TENM1: variants seen among roughly 807,000 people sequenced by gnomAD.
The protein encoded by TENM1 is teneurin transmembrane protein 1, also known as teneurin-1.
Under a neutral mutation model 174.8 loss-of-function variants are expected in TENM1, and 35 were observed. That is an observed-to-expected ratio of 0.20 (90% confidence interval 0.15 to 0.27). The LOEUF (loss-of-function observed/expected upper bound fraction) is 0.27. TENM1 is among the 10% of genes least tolerant of loss of function. The pLI, the probability that TENM1 is intolerant of heterozygous loss-of-function variation, is 1.00. For missense variants in TENM1, 1,633 were observed against 2,130.1 expected (o/e 0.77, Z 4.59); for synonymous variants, 781 against 798.7 (o/e 0.98, Z 0.37).
intron 17 of TENM1, among the ~76,000 whole-genome samples, chrX:124,522,529 T>G (rs2148048461): frequency 9.3e-6 from 1 of 107,476 alleles, no homozygotes; most frequent in East Asian, 2.9e-4. Context: ...TTCTCCTGAC[T>G]ATAAAGCTTG....
chrX:125,179,697 T>A, the TENM1 span, among the ~76,000 whole-genome samples: 1 of 110,537 alleles, frequency 9.0e-6, no homozygotes, highest in East Asian at 2.9e-4. Flanking sequence ...GGCATCAGCA[T>A]CCCCTGGGAA....
At chrX:124,894,232 G>T in intron 3 of TENM1, 64 bp downstream of exon 6, 3 of 896,970 alleles carry the variant, frequency 3.3e-6, no homozygotes, top group Non-Finnish European at 4.9e-6. Context: ...ATTTTGTGGG[G>T]GTAGGGTGCC....
At chrX:124,831,150 T>C (rs2056280808) in intron 3 of TENM1, among the ~76,000 whole-genome samples, 1 of 111,379 alleles carries the variant, frequency 9.0e-6, no homozygotes, top group Admixed American at 9.6e-5. Flanking sequence ...AGTGTTTCTT[T>C]AGTTTCACAA....
intron 1 of TENM1, among the ~76,000 whole-genome samples, chrX:124,957,223 T>A (rs761884035): frequency 1.5e-4 from 16 of 107,478 alleles, no homozygotes; most frequent in African/African-American, 5.3e-4. Flanking sequence ...GGATGGATGG[T>A]TGGATGGATG....
intron 11 of TENM1, among the ~76,000 whole-genome samples, chrX:124,600,395 G>C (rs1347418788): frequency 1.8e-5 from 2 of 111,452 alleles, no homozygotes; most frequent in African/African-American, 6.5e-5. Flanking sequence ...ATAATTCATT[G>C]AATAATATGA....
intron 14 of TENM1, among the ~76,000 whole-genome samples, chrX:124,556,116 A>T (rs1436454666): frequency 8.9e-6 from 1 of 111,847 alleles, no homozygotes; most frequent in Non-Finnish European, 1.9e-5. Context: ...ACAAAATACA[A>T]TCAAAACAAT....
chrX:124,791,525 T>C (rs1045291738), intron 3 of TENM1, among the ~76,000 whole-genome samples: 2 of 111,944 alleles, frequency 1.8e-5, no homozygotes, highest in African/African-American at 6.5e-5. Flanking sequence ...ACGCTTCTTT[T>C]CCATTACCTC....
intron 3 of TENM1, among the ~76,000 whole-genome samples, chrX:124,847,763 C>T (rs1198790200): frequency 8.9e-6 from 1 of 111,788 alleles, no homozygotes; most frequent in Non-Finnish European, 1.9e-5. Flanking sequence ...CCACAAATCA[C>T]AATGGTTAGG....
At chrX:124,394,093 C>T (rs1352722624) in intron 27 of TENM1, among the ~76,000 whole-genome samples, 1 of 111,816 alleles carries the variant, frequency 8.9e-6, no homozygotes, top group Non-Finnish European at 1.9e-5. Flanking sequence ...GTGATTGTAG[C>T]TTAGTGTACT....
intron 23 of TENM1, among the ~76,000 whole-genome samples, chrX:124,440,227 G>C (rs1470286283): frequency 8.9e-6 from 1 of 112,043 alleles, no homozygotes; most frequent in Non-Finnish European, 1.9e-5. Context: ...ATTTAAATTA[G>C]AGACTGACAA....
At chrX:125,127,394 G>A in the TENM1 span, among the ~76,000 whole-genome samples, 1 of 110,829 alleles carries the variant, frequency 9.0e-6, no homozygotes, top group Non-Finnish European at 1.9e-5. Context: ...GTAATATGTT[G>A]GCATTTTAAG....
the TENM1 span, among the ~76,000 whole-genome samples, chrX:124,994,226 TTTTTTTTTTTTTG>T: frequency 1.1e-5 from 1 of 89,341 alleles, no homozygotes; most frequent in Non-Finnish European, 2.2e-5. Context: ...CTTTTTTTTT[TTTTTTTTTTTTTG>T]GCAATTGACC....
intron 11 of TENM1, among the ~76,000 whole-genome samples, chrX:124,588,305 T>C (rs1201121484): frequency 9.0e-6 from 1 of 111,208 alleles, no homozygotes; most frequent in Non-Finnish European, 1.9e-5. Flanking sequence ...TGTCCAACAA[T>C]GATAGACTGG....
At chrX:124,756,474 C>T (rs1349380274) in intron 3 of TENM1, among the ~76,000 whole-genome samples, 2 of 107,270 alleles carry the variant, frequency 1.9e-5, no homozygotes, top group Non-Finnish European at 3.8e-5. Context: ...TCGTCTGAAG[C>T]CTTCTTCTCT....
chrX:124,566,306 C>CCTTCTTAT (rs1163893822), intron 11 of TENM1, among the ~76,000 whole-genome samples: 6 of 112,366 alleles, frequency 5.3e-5, no homozygotes, highest in African/African-American at 1.9e-4. Context: ...AAGTACACAT[C>CCTTCTTAT]CTTCTTATCT....
intron 10 of TENM1, among the ~76,000 whole-genome samples, chrX:124,644,730 G>T: frequency 9.0e-6 from 1 of 110,795 alleles, no homozygotes; most frequent in Non-Finnish European, 1.9e-5. Flanking sequence ...CACTCCCAAA[G>T]AAAACATTTG....
chrX:124,728,652 T>TC (rs2053496474), intron 4 of TENM1, among the ~76,000 whole-genome samples: 1 of 111,351 alleles, frequency 9.0e-6, no homozygotes, highest in African/African-American at 3.3e-5. Flanking sequence ...TCTACCCCCC[T>TC]CCAAGGGTTC....
At chrX:125,104,960 C>T in the TENM1 span, among the ~76,000 whole-genome samples, 2 of 111,474 alleles carry the variant, frequency 1.8e-5, no homozygotes, top group Non-Finnish European at 3.8e-5. Context: ...ATCCCATTAG[C>T]TCTATTTTTA....
At chrX:125,158,104 A>C in the TENM1 span, among the ~76,000 whole-genome samples, 2 of 111,041 alleles carry the variant, frequency 1.8e-5, no homozygotes, top group Non-Finnish European at 3.8e-5. Flanking sequence ...AAACAAATAT[A>C]TATATATTTA....
Sources: gnomAD v4.1 joint callset for allele counts (sites outside exome capture counted in the v4.1 genomes callset) on GRCh38, gnomAD v4.1.1 for gene constraint, MANE v1.5 for transcripts, NCBI Gene and HGNC (gene_info 2026-07-23, HGNC 2026-07-21) for gene names.